RIF1: variants seen among roughly 807,000 people sequenced by gnomAD.
The protein encoded by RIF1 is replication timing regulatory factor 1, also known as telomere-associated protein RIF1.
Under a neutral mutation model 247.1 loss-of-function variants are expected in RIF1, and 45 were observed. That is an observed-to-expected ratio of 0.18 (90% CI 0.14 to 0.23). The LOEUF is 0.23. Among genes scored for constraint, RIF1 ranks in the 10% least tolerant of loss-of-function variants. The probability of loss-of-function intolerance (pLI) is 1.00; values close to 1 mark genes in which losing one functional copy is unlikely to be tolerated. For synonymous variants in RIF1, 1,087 were observed against 978.8 expected (o/e 1.11, Z -2.06); for missense variants, 2,967 against 2,862.5 (o/e 1.04, Z -0.83).
intron 20 of RIF1, among the ~76,000 whole-genome samples, chr2:151,449,007 C>T (rs914091279): frequency 3.3e-5 from 5 of 152,142 alleles, no homozygotes; most frequent in Admixed American, 6.5e-5. Flanking sequence ...CAGATTAATT[C>T]GGAAAAGAAT....
chr2:151,520,856 C>G, the RIF1 span, among the ~76,000 whole-genome samples: 1 of 149,274 alleles, frequency 6.7e-6, no homozygotes, highest in Non-Finnish European at 1.5e-5. Flanking sequence ...AGAGCAAGAC[C>G]CTGTCTCACA....
At chr2:151,525,988 G>C in the RIF1 span, 78 of 1,613,840 alleles carry the variant, frequency 4.8e-5, no homozygotes, top group Non-Finnish European at 6.3e-5. Flanking sequence ...CTTCCTTGAC[G>C]TGAACAGTGT....
intron 10 of RIF1, among the ~76,000 whole-genome samples, chr2:151,433,518 G>T (rs891122010): frequency 6.6e-6 from 1 of 152,056 alleles, no homozygotes; most frequent in Non-Finnish European, 1.5e-5. Context: ...GCAGTGGCAC[G>T]ATCTCGGCTC....
chr2:151,458,086 T>G, intron 24 of RIF1, 123 bp downstream of exon 24: 1 of 634,382 alleles, frequency 1.6e-6, no homozygotes, highest in Non-Finnish European at 2.7e-6. Context: ...AGTTGAAATA[T>G]TACCATTTGG....
Position 151,460,137 on chromosome 2 carries a change from T to G in RIF1, c.3075+18T>G. The G allele has an allele frequency of 6.7e-7, 1 of 1,501,688 alleles. No individual in the cohort carries two copies. The highest frequency in any genetic ancestry group is 9.0e-7 in the Non-Finnish European group (1 of 1,109,016). 93.0% of individuals were successfully genotyped at this position (1,501,688 alleles called of 1,614,324 possible). ...CAGCCAAAGTATGTTTTCAAAAGTTTAATCAAAAATTTTAAGATAAAGTAT... is the reference window on the plus strand; with the variant it reads ...CAGCCAAAGTATGTTTTCAAAAGTTGAATCAAAAATTTTAAGATAAAGTAT... On this transcript the variant is annotated intron_variant, in intron 26 of 35. Transcript: ENST00000444746.
At chr2:151,524,538 G>T in the RIF1 span, 2 of 1,613,564 alleles carry the variant, frequency 1.2e-6, no homozygotes, top group Non-Finnish European at 1.7e-6. Flanking sequence ...TTGGCTGCCT[G>T]TGTGGCCTTC....
intron 19 of RIF1, among the ~76,000 whole-genome samples, chr2:151,445,959 C>T (rs573343070): frequency 3.9e-5 from 6 of 152,294 alleles, no homozygotes; most frequent in Admixed American, 3.3e-4. Context: ...CTTATTTCCT[C>T]TCTTCAGTTA....
chr2:151,461,311 A>T, intron 27 of RIF1, 22 bp downstream of exon 27: 1 of 1,604,936 alleles, frequency 6.2e-7, no homozygotes, highest in Admixed American at 1.7e-5. Context: ...TTTTATCTTG[A>T]GTTGGGTATT....
At position 151,481,536 on chromosome 2, in the gene RIF1, C is replaced by A. The variant is rs1228873012; in HGVS notation, c.*6465C>A. On this transcript the variant is annotated 3_prime_UTR_variant, in exon 36 of 36. Coordinates refer to ENST00000444746, the MANE Select transcript of RIF1 (RefSeq NM_018151.5). ...AGATGCCAAATCAGTCATTTATTAACCCTCTAATATTGTTGTCCCGATCAT... is the reference window on the plus strand; with the variant it reads ...AGATGCCAAATCAGTCATTTATTAAACCTCTAATATTGTTGTCCCGATCAT... 1 of 152,192 alleles carries A rather than the reference C, an allele frequency of 6.6e-6. No homozygotes were observed. Among genetic ancestry groups the A allele is most frequent in the Non-Finnish European group, 1.5e-5 (1 of 68,038 alleles). 9.4% of individuals were successfully genotyped at this position (152,192 alleles called of 1,614,324 possible).
chr2:151,422,016 G>C (rs550200264), intron 7 of RIF1, among the ~76,000 whole-genome samples: 136 of 151,960 alleles, frequency 8.9e-4, no homozygotes, highest in African/African-American at 2.8e-3. Context: ...ATTTTTAGTA[G>C]AGATGGGGTT....
chr2:151,505,337 C>T (rs1267145555), intron 12 of RIF1: 2 of 713,522 alleles, frequency 2.8e-6, no homozygotes, highest in East Asian at 5.0e-5. Flanking sequence ...CCTGTAGTGA[C>T]CCCATCAAGA....
chr2:151,459,136 A>G (rs1356524687), intron 25 of RIF1, among the ~76,000 whole-genome samples: 4 of 152,182 alleles, frequency 2.6e-5, no homozygotes, highest in African/African-American at 9.7e-5. Context: ...CGGGTACCTC[A>G]TCTGTGCTGT....
intron 10 of RIF1, chr2:151,497,910 C>G: frequency 6.8e-7 from 1 of 1,474,066 alleles, no homozygotes. Context: ...GCAGGGACTT[C>G]AGCTGCTGAG....
At chr2:151,449,240 C>A (rs1693842904) in intron 20 of RIF1, among the ~76,000 whole-genome samples, 1 of 152,038 alleles carries the variant, frequency 6.6e-6, no homozygotes, top group African/African-American at 2.4e-5. Flanking sequence ...GGTTACAGTG[C>A]TATTCTTTTA....
chr2:151,465,307 A>T lies in RIF1; in HGVS notation c.5787A>T (p.Gly1929=), dbSNP rs770694358. The change falls in exon 30 of 36, where the codon GGA becomes GGT. Residue 1929 remains glycine, a synonymous_variant. Coordinates refer to ENST00000444746, the MANE Select transcript of RIF1 (RefSeq NM_018151.5). ...TAGGAAATGAAGCTAGCTTTCATGG[A>T]CAAGAGAGAACCAAAACTGGTATTT... ...LNVGNEASFH[G]QERTKTGISE... is the part of the protein sequence containing the mutation. 1 of 1,613,696 alleles carries T rather than the reference A, an allele frequency of 6.2e-7. No individual in the cohort carries two copies. Among genetic ancestry groups the T allele is most frequent in the Non-Finnish European group, 8.5e-7 (1 of 1,179,958 alleles).
At chr2:151,515,562 A>C in the RIF1 span, among the ~76,000 whole-genome samples, 2 of 152,148 alleles carry the variant, frequency 1.3e-5, no homozygotes, top group South Asian at 4.2e-4. Context: ...GCAGTGAGGC[A>C]CAGAGGAATT....
chr2:151,493,046 T>C (rs2057797345), intron 9 of RIF1: 1 of 278,274 alleles, frequency 3.6e-6, no homozygotes, highest in African/African-American at 2.2e-5. Context: ...AGGAAGTAAA[T>C]TTGTTATAGT....
exon 14 of RIF1, chr2:151,507,731 G>T (rs1641670597): frequency 2.7e-6 from 1 of 367,342 alleles, no homozygotes; most frequent in Admixed American, 4.0e-5. Context: ...TGTTACAGGG[G>T]TTTTCGCCAT....
At chr2:151,492,290 T>C in intron 9 of RIF1, 2 of 1,607,484 alleles carry the variant, frequency 1.2e-6, no homozygotes, top group South Asian at 2.2e-5. Flanking sequence ...ACCTGAAATG[T>C]CATGAATTTG....
Sources: gnomAD v4.1 joint callset for allele counts (sites outside exome capture counted in the v4.1 genomes callset) on GRCh38, gnomAD v4.1.1 for gene constraint, MANE v1.5 for transcripts, NCBI Gene and HGNC (gene_info 2026-07-23, HGNC 2026-07-21) for gene names.